PLCG2: variants seen among roughly 807,000 people sequenced by gnomAD.
The protein encoded by PLCG2 is phospholipase C gamma 2.
PLCG2 carries 69 observed loss-of-function variants against 175.6 expected under a neutral mutation model. That is an observed-to-expected ratio of 0.39 (90% CI 0.32 to 0.48). The LOEUF is 0.48. PLCG2 is among the 20% of genes least tolerant of loss of function. The pLI, the probability that PLCG2 is intolerant of heterozygous loss-of-function variation, is 0.91. For missense variants in PLCG2, 1,798 were observed against 1,650.9 expected (o/e 1.09, Z -1.54); for synonymous variants, 827 against 624.0 (o/e 1.33, Z -4.85).
intron 26 of PLCG2, chr16:81,935,812 C>G: frequency 1.0e-6 from 1 of 985,288 alleles, no homozygotes. Flanking sequence ...TCTGGATCTT[C>G]CCCTCCCAAG....
rs548154541 is a variant in PLCG2 at position 81,958,556 on chromosome 16, A to T, written c.*558A>T. The T allele has an allele frequency of 4.3e-6, 1 of 231,516 alleles. No homozygotes were observed. The highest frequency in any genetic ancestry group is 6.2e-5 in the East Asian group (1 of 16,258). 14.3% of individuals were successfully genotyped at this position (231,516 alleles called of 1,614,324 possible). ...CACCGGCTGCCTGCTGCAGTCCACA[A>T]GAAAATGGCTGAGTGATGGGATCTG... On this transcript the variant is annotated 3_prime_UTR_variant, in exon 33 of 33. Coordinates refer to ENST00000564138, the MANE Select transcript of PLCG2 (RefSeq NM_002661.5).
intron 18 of PLCG2, 57 bp downstream of exon 18, chr16:81,910,777 C>G: frequency 6.6e-7 from 1 of 1,504,876 alleles, no homozygotes; most frequent in Non-Finnish European, 9.1e-7. Flanking sequence ...CTCCACCAGG[C>G]AGAGAAGCTG....
chr16:81,741,830 A>T (rs1201371552), intron 1 of PLCG2, among the ~76,000 whole-genome samples: 1 of 152,142 alleles, frequency 6.6e-6, no homozygotes, highest in Admixed American at 6.5e-5. Flanking sequence ...TAATGATCAA[A>T]TCAGAGTCAT....
intron 1 of PLCG2, among the ~76,000 whole-genome samples, chr16:81,754,134 G>A (rs1296716028): frequency 6.6e-6 from 1 of 151,898 alleles, no homozygotes; most frequent in African/African-American, 2.4e-5. Flanking sequence ...AGGTTCTAGG[G>A]ACCCACTTCT....
chr16:81,882,500 C>G (rs1908133329), intron 8 of PLCG2, among the ~76,000 whole-genome samples: 1 of 152,112 alleles, frequency 6.6e-6, no homozygotes. Flanking sequence ...TGTCCTTTCT[C>G]CAACACCAGC....
chr16:81,810,325 C>T (rs1393080918), intron 2 of PLCG2, among the ~76,000 whole-genome samples: 7 of 152,254 alleles, frequency 4.6e-5, no homozygotes, highest in African/African-American at 1.7e-4. Flanking sequence ...GTCTATAGAA[C>T]ACGTAACGTG....
intron 13 of PLCG2, among the ~76,000 whole-genome samples, chr16:81,899,601 C>T (rs945512779): frequency 1.3e-5 from 2 of 152,122 alleles, no homozygotes; most frequent in African/African-American, 4.8e-5. Context: ...AACAAGTGTC[C>T]TCACCATCTG....
At chr16:81,949,145 G>A (rs1363034692) in intron 31 of PLCG2, among the ~76,000 whole-genome samples, 2 of 152,154 alleles carry the variant, frequency 1.3e-5, no homozygotes, top group Non-Finnish European at 2.9e-5. Flanking sequence ...AGGAAAAGGT[G>A]GGCTGGGAGG....
At chr16:81,852,867 C>T (rs1906487664) in intron 2 of PLCG2, among the ~76,000 whole-genome samples, 1 of 152,136 alleles carries the variant, frequency 6.6e-6, no homozygotes, top group African/African-American at 2.4e-5. Flanking sequence ...TGGCTGTTGG[C>T]TGGGGGCTCA....
At chr16:81,934,916 G>A (rs980196376) in intron 26 of PLCG2, among the ~76,000 whole-genome samples, 9 of 152,168 alleles carry the variant, frequency 5.9e-5, no homozygotes, top group Admixed American at 4.6e-4. Context: ...CCACAACAAC[G>A]GTACAGGGGA....
intron 2 of PLCG2, among the ~76,000 whole-genome samples, chr16:81,769,838 A>G (rs1453510562): frequency 7.3e-5 from 11 of 150,590 alleles, no homozygotes; most frequent in Admixed American, 2.6e-4. Context: ...AAAAAAAAAA[A>G]AAAAAAAAGA....
Position 81,932,194 on chromosome 16 carries a change from G to A in PLCG2, c.2739+540G>A, listed in dbSNP as rs199972153. 4.6e-5 allele frequency among the ~76,000 whole-genome samples: 7 copies of A among 152,144 alleles called. No homozygotes were observed. In the East Asian group the frequency reaches 9.7e-4, roughly 21 times the overall value. On this transcript the variant is annotated intron_variant, in intron 25 of 32. Transcript: ENST00000564138. The stretch of plus-strand genomic sequence containing the variant: ...TCTCTGGCTGGAAGTGTTTTGGGAA[G>A]GTGTGAGCTTCTGGATAAGAATAGG...
chr16:81,902,534 T>G (rs1909194032), intron 14 of PLCG2, among the ~76,000 whole-genome samples: 1 of 152,216 alleles, frequency 6.6e-6, no homozygotes, highest in South Asian at 2.1e-4. Flanking sequence ...GAGATATCTT[T>G]GGCCTCTTTT....
rs556847975 is a variant in PLCG2 at position 81,802,270 on chromosome 16, G to A, written c.193+16088G>A. Among the ~76,000 whole-genome samples the A allele has an allele frequency of 4.4e-4, 67 of 151,556 alleles. No homozygotes were observed. The South Asian group carries it at 0.013, about 29-fold the overall frequency. ...TGGGATTACAGGCGCCCGCCACCGCGCCCAGCTAATTTTTTGTATTTTTAG... is the reference window on the plus strand; with the variant it reads ...TGGGATTACAGGCGCCCGCCACCGCACCCAGCTAATTTTTTGTATTTTTAG... On this transcript the variant is annotated intron_variant, in intron 2 of 32. Coordinates refer to ENST00000564138, the MANE Select transcript of PLCG2 (RefSeq NM_002661.5).
chr16:81,924,208 G>C (rs1165429241), intron 22 of PLCG2, among the ~76,000 whole-genome samples: 2 of 152,222 alleles, frequency 1.3e-5, no homozygotes, highest in Non-Finnish European at 2.9e-5. Context: ...CCCACTGATA[G>C]GTTTCTGGGG....
chr16:81,956,740 C>A lies in PLCG2; in HGVS notation c.3616C>A (p.Arg1206=), dbSNP rs1911584588. The change falls in exon 32 of 33, where the codon CGG becomes AGG. Residue 1206 remains arginine, a synonymous_variant. Transcript: ENST00000564138. ...LYSSCRQLRR[R]QEELNNQLFL... The stretch of plus-strand genomic sequence containing the variant: ...CTCCTCCTGTCGCCAGCTGAGGAGG[C>A]GGCAAGAAGAACTGAACAACCAGCT... 1 of 1,614,062 alleles carries A rather than the reference C, an allele frequency of 6.2e-7. No individual in the cohort carries two copies. The highest frequency in any genetic ancestry group is 8.5e-7 in the Non-Finnish European group (1 of 1,179,986).
At chr16:81,743,013 C>A (rs1159264571) in intron 1 of PLCG2, among the ~76,000 whole-genome samples, 1 of 152,170 alleles carries the variant, frequency 6.6e-6, no homozygotes, top group Non-Finnish European at 1.5e-5. Context: ...ACAGAAGAAC[C>A]AGTCTAGCTG....
chr16:81,775,344 A>T (rs1910375960), upstream of PLCG2, among the ~76,000 whole-genome samples: 1 of 152,190 alleles, frequency 6.6e-6, no homozygotes, highest in Non-Finnish European at 1.5e-5. Context: ...GGGGAAATTA[A>T]GTCCAAAGAG....
intron 17 of PLCG2, 40 bp from the exon 18 acceptor site, chr16:81,910,480 C>T (rs768184408): frequency 6.3e-7 from 1 of 1,590,688 alleles, no homozygotes; most frequent in Non-Finnish European, 8.6e-7. Flanking sequence ...AATGGCCTGG[C>T]CTGCGTTCTC....
Sources: gnomAD v4.1 joint callset for allele counts (sites outside exome capture counted in the v4.1 genomes callset) on GRCh38, gnomAD v4.1.1 for gene constraint, MANE v1.5 for transcripts, NCBI Gene and HGNC (gene_info 2026-07-23, HGNC 2026-07-21) for gene names.